TRIM8: variants seen among roughly 807,000 people sequenced by gnomAD.
The protein encoded by TRIM8 is E3 ubiquitin-protein ligase TRIM8.
TRIM8 carries 9 observed loss-of-function variants against 55.7 expected under a neutral mutation model. The ratio of observed to expected loss-of-function variants is 0.16; its 90% CI spans 0.10 to 0.28. The LOEUF (loss-of-function observed/expected upper bound fraction) is 0.28. Ranked by LOEUF, TRIM8 falls within the 10% of genes least tolerant of loss-of-function variation. The pLI is 1.00. For missense variants in TRIM8, 556 were observed against 736.4 expected, an observed-to-expected ratio of 0.76 and a Z score of 2.83; for synonymous variants, 335 against 333.3, an observed-to-expected ratio of 1.01 and a Z score of -0.06.
At chr10:102,649,137 A>G (rs2063960737) in intron 1 of TRIM8, 2 of 152,188 alleles carry the variant, frequency 1.3e-5, no homozygotes. Flanking sequence ...GTCTCTGAGA[A>G]GGCGCAGCCT....
chr10:102,647,706 C>T (rs80339617), intron 1 of TRIM8, among the ~76,000 whole-genome samples: 2,245 of 152,252 alleles, frequency 0.015, 63 homozygotes, highest in South Asian at 0.13. Flanking sequence ...CAGAATTCCC[C>T]AGGATACAGG....
intron 2 of TRIM8, 83 bp downstream of exon 2, chr10:102,654,831 G>T: frequency 8.9e-7 from 1 of 1,120,230 alleles, no homozygotes; most frequent in Non-Finnish European, 1.4e-6. Context: ...AGGATTGATT[G>T]TGTAGCCCTA....
chr10:102,646,128 C>T (rs981343265), intron 1 of TRIM8, among the ~76,000 whole-genome samples: 13 of 152,328 alleles, frequency 8.5e-5, no homozygotes, highest in Non-Finnish European at 2.9e-5. Context: ...CCTCAGGCCT[C>T]TGGGCCTGGT....
intron 1 of TRIM8, chr10:102,654,356 G>A: frequency 3.8e-6 from 1 of 261,974 alleles, no homozygotes; most frequent in Non-Finnish European, 7.5e-6. Context: ...AGAATCACTT[G>A]AACCGGGGAG....
In TRIM8 at chr10:102,644,612, G is replaced by A. The variant is rs535881851; in HGVS notation, c.-6G>A. The A allele has an allele frequency of 5.6e-4, 895 of 1,610,846 alleles. 6 individuals are homozygous for A. In the South Asian group the frequency reaches 9.2e-3, roughly 17 times the overall value. The stretch of plus-strand genomic sequence containing the variant: ...GGCCTGCCCCGGCCCCCTGCCCGCG[G>A]CCGCCATGGCGGAGAATTGGAAGAA... On this transcript the variant is annotated 5_prime_UTR_variant, in exon 1 of 6. Transcript: ENST00000643721.
chr10:102,645,030 A>G lies in TRIM8; in HGVS notation c.413A>G (p.Asp138Gly). Reference sequence around the variant, plus strand: ...CGCGGGCACCTCCTGGTGGAGGCGGACGACGTGCGGGCCTGGAGCTGCCCG... The same window carrying G: ...CGCGGGCACCTCCTGGTGGAGGCGGGCGACGTGCGGGCCTGGAGCTGCCCG... The part of the protein sequence containing the change: ...TARGHLLVEA[D>G]DVRAWSCPQH... The change falls in exon 1 of 6, where the codon GAC (aspartate) becomes GGC (glycine). Residue 138 changes from aspartate to glycine, a missense_variant. By Grantham distance (94) the Asp-to-Gly change is moderately conservative. This residue lies in a region of TRIM8 where 165 missense variants were observed against 295.3 expected (regional missense o/e 0.56). Coordinates refer to ENST00000643721, the MANE Select transcript of TRIM8 (RefSeq NM_030912.3). 1 of 1,593,478 alleles carries G rather than the reference A, an allele frequency of 6.3e-7. No individual in the cohort carries two copies. Among genetic ancestry groups the G allele is most frequent in the Non-Finnish European group, 8.5e-7 (1 of 1,176,144 alleles).
intron 1 of TRIM8, among the ~76,000 whole-genome samples, chr10:102,646,044 T>C (rs1311892388): frequency 6.6e-6 from 1 of 152,194 alleles, no homozygotes; most frequent in African/African-American, 2.4e-5. Flanking sequence ...GGCTGCCGGC[T>C]GGGTGATTAC....
Position 102,657,398 on chromosome 10 carries a change from C to T in TRIM8, c.*44C>T. 2 of 1,518,618 alleles carry T rather than the reference C, an allele frequency of 1.3e-6. No homozygotes were observed. Among genetic ancestry groups the T allele is most frequent in the Non-Finnish European group, 8.8e-7 (1 of 1,133,044 alleles). The allele number at this position is 1,518,618 out of a possible 1,614,324, so 94.1% of individuals were successfully genotyped here. ...GCGCTGGGGAATCTTCCTCCCCAGC[C>T]CCCGGGCTCGGGAGTTATGCATCCA... On this transcript the variant is annotated 3_prime_UTR_variant, in exon 6 of 6. Coordinates refer to ENST00000643721, the MANE Select transcript of TRIM8 (RefSeq NM_030912.3).
At chr10:102,650,931 C>T (rs771609571) in intron 1 of TRIM8, among the ~76,000 whole-genome samples, 8 of 152,116 alleles carry the variant, frequency 5.3e-5, no homozygotes, top group South Asian at 2.1e-4. Context: ...GTGAAGGGGA[C>T]GGCAGGCAGG....
chr10:102,644,551 G>T lies in TRIM8; in HGVS notation c.-67G>T, dbSNP rs2063917498. ...CTCGGGGCTCGGTGGGCCTACAGCG[G>T]CTCCGGACGGACCCCCGGGGCTGGG... is the stretch of plus-strand genomic sequence containing the variant. On this transcript the variant is annotated 5_prime_UTR_variant, in exon 1 of 6. Transcript: ENST00000643721. The T allele has an allele frequency of 2.0e-6, 3 of 1,511,920 alleles. No individual in the cohort carries two copies. Among genetic ancestry groups the T allele is most frequent in the South Asian group, 1.2e-5 (1 of 83,130 alleles). The allele number at this position is 1,511,920 out of a possible 1,614,324, so 93.7% of individuals were successfully genotyped here.
chr10:102,646,118 C>A lies in TRIM8; in HGVS notation c.570+931C>A, dbSNP rs555798074. Among the ~76,000 whole-genome samples the A allele has an allele frequency of 3.9e-5, 6 of 152,352 alleles. No homozygotes were observed. The East Asian group carries it at 7.7e-4, about 20-fold the overall frequency. On this transcript the variant is annotated intron_variant, in intron 1 of 5. Transcript: ENST00000643721. ...GCGGCCAATGTCAAACCGCCTCCCC[C>A]CTCAGGCCTCTGGGCCTGGTTTTGG...
In TRIM8 at chr10:102,650,163, ATTATTAT is replaced by A. The variant is rs1367165096; in HGVS notation, c.571-4483_571-4477del. Among the ~76,000 whole-genome samples, 9 of 151,816 alleles carry A rather than the reference ATTATTAT, an allele frequency of 5.9e-5. 1 individual carries two copies. In the South Asian group the frequency reaches 1.2e-3, roughly 21 times the overall value. On this transcript the variant is annotated intron_variant, in intron 1 of 5. Coordinates refer to ENST00000643721, the MANE Select transcript of TRIM8 (RefSeq NM_030912.3). ...TCAAGGTTGACTTGAGGGTTTTATT[ATTATTAT>A]TTATTAACTTTTATACAGCCCAGAG...
chr10:102,651,791 G>C (rs1429174805), intron 1 of TRIM8, among the ~76,000 whole-genome samples: 5 of 152,222 alleles, frequency 3.3e-5, no homozygotes, highest in Non-Finnish European at 7.3e-5. Context: ...TGTTCCCAGA[G>C]TGTCCTGGCC....
chr10:102,646,330 C>T (rs1484190755), intron 1 of TRIM8, among the ~76,000 whole-genome samples: 1 of 152,172 alleles, frequency 6.6e-6, no homozygotes, highest in Non-Finnish European at 1.5e-5. Flanking sequence ...GGCTAGGCTG[C>T]ACTCTGGTGG....
chr10:102,645,150 C>A lies in TRIM8; in HGVS notation c.533C>A (p.Ser178Ter). The change falls in exon 1 of 6, where the codon TCG becomes TAG. Residue 178 changes from serine to a stop codon, truncating the protein, a stop_gained. Coordinates refer to ENST00000643721, the MANE Select transcript of TRIM8 (RefSeq NM_030912.3). LOFTEE classifies it high-confidence loss of function. ...TACAGCGGCGCGCATCAGGGACACT[C>A]GGTGTGCGACGTGGAGATCCGAAGG... ...CYYSGAHQGH[S>*]VCDVEIRRNE... The A allele has an allele frequency of 6.4e-7, 1 of 1,564,804 alleles. No individual in the cohort carries two copies. Among genetic ancestry groups the A allele is most frequent in the Non-Finnish European group, 8.6e-7 (1 of 1,163,844 alleles).
At chr10:102,651,730 G>A (rs550232962) in intron 1 of TRIM8, among the ~76,000 whole-genome samples, 1 of 152,336 alleles carries the variant, frequency 6.6e-6, no homozygotes, top group East Asian at 1.9e-4. Flanking sequence ...GGGGCAACCA[G>A]CAGGCAAGAA....
intron 1 of TRIM8, among the ~76,000 whole-genome samples, chr10:102,653,173 C>T (rs546521269): frequency 1.3e-5 from 2 of 152,276 alleles, no homozygotes; most frequent in South Asian, 2.1e-4. Context: ...GACAGCACAA[C>T]CTGAGAGGGA....
rs1054664540 is a variant in TRIM8 at position 102,644,529 on chromosome 10, G to T, written c.-89G>T. 5.6e-5 allele frequency: 72 copies of T among 1,292,816 alleles called. 1 individual carries two copies. The highest frequency in any genetic ancestry group is 4.0e-4 in the Admixed American group (15 of 37,370). 80.1% of individuals were successfully genotyped at this position (1,292,816 alleles called of 1,614,324 possible). On this transcript the variant is annotated 5_prime_UTR_variant, in exon 1 of 6. Coordinates refer to ENST00000643721, the MANE Select transcript of TRIM8 (RefSeq NM_030912.3). The stretch of plus-strand genomic sequence containing the variant: ...TCGGGGCCGGCTGGGGCCGGAGCTC[G>T]GGGCTCGGTGGGCCTACAGCGGCTC...
Position 102,651,959 on chromosome 10 carries a change from G to A in TRIM8, c.571-2694G>A, listed in dbSNP as rs569773147. ...GGCTCAGGTGGCAAGGTATTCCCAT[G>A]TGCGTGCGCAGCTTTGTGCCAGGTG... On this transcript the variant is annotated intron_variant, in intron 1 of 5. Coordinates refer to ENST00000643721, the MANE Select transcript of TRIM8 (RefSeq NM_030912.3). Among the ~76,000 whole-genome samples, 37 of 152,330 alleles carry A rather than the reference G, an allele frequency of 2.4e-4. 2 individuals carry two copies. The East Asian group carries it at 7.1e-3, about 29-fold the overall frequency.
Sources: allele counts gnomAD v4.1 joint callset (sites outside exome capture counted in the v4.1 genomes callset), GRCh38; gene constraint gnomAD v4.1.1; regional missense constraint gnomAD v4.1.1; transcripts MANE v1.5; gene names NCBI Gene and HGNC (gene_info 2026-07-23, HGNC 2026-07-21).